Variants in CRTC3 observed in about 807,000 individuals in gnomAD.
CRTC3 encodes CREB regulated transcription coactivator 3, also known as CREB-regulated transcription coactivator 3.
CRTC3 carries 26 observed loss-of-function variants against 74.5 expected under a neutral mutation model. That is an observed-to-expected ratio of 0.35 (90% CI 0.26 to 0.48). The LOEUF is 0.48. CRTC3 is among the 20% of genes least tolerant of loss of function. The pLI is 0.99. For synonymous variants in CRTC3, 377 were observed against 325.8 expected (o/e 1.16, Z -1.69); for missense variants, 760 against 787.3 (o/e 0.97, Z 0.41).
intron 4 of CRTC3, among the ~76,000 whole-genome samples, chr15:90,603,204 G>A (rs1265180180): frequency 1.3e-5 from 2 of 151,926 alleles, no homozygotes; most frequent in South Asian, 2.1e-4. Context: ...AGCACTTTGG[G>A]AGGCCAAGGC....
intron 2 of CRTC3, among the ~76,000 whole-genome samples, chr15:90,561,084 T>C (rs1202530488): frequency 6.6e-6 from 1 of 152,220 alleles, no homozygotes; most frequent in African/African-American, 2.4e-5. Context: ...CGTTAGTCTC[T>C]CTGTGTCTCA....
chr15:90,545,754 A>G (rs1032214278), intron 2 of CRTC3, among the ~76,000 whole-genome samples: 1 of 151,108 alleles, frequency 6.6e-6, no homozygotes, highest in Non-Finnish European at 1.5e-5. Context: ...TTTTTTTTGT[A>G]TTTTTAGTAG....
chr15:90,609,522 C>T (rs920981971), intron 6 of CRTC3, among the ~76,000 whole-genome samples: 9 of 152,166 alleles, frequency 5.9e-5, no homozygotes, highest in Admixed American at 2.6e-4. Flanking sequence ...CTGCCTCTGC[C>T]GATCCTTCAT....
intron 5 of CRTC3, among the ~76,000 whole-genome samples, chr15:90,604,699 G>A (rs1395777667): frequency 1.3e-5 from 2 of 152,146 alleles, no homozygotes; most frequent in African/African-American, 4.8e-5. Flanking sequence ...GATTGCCTCA[G>A]TTTACTCATT....
At chr15:90,572,524 A>G (rs902669879) in intron 2 of CRTC3, among the ~76,000 whole-genome samples, 2 of 152,150 alleles carry the variant, frequency 1.3e-5, no homozygotes, top group Non-Finnish European at 2.9e-5. Flanking sequence ...ACTCTCACCA[A>G]CATATGAGTG....
rs1968820031 is a variant in CRTC3, at chr15:90,625,954, C to A, written c.928C>A (p.Pro310Thr). ...MSVGNSVNNIPAAMTHLGIRS... is the reference protein window; with the variant it reads ...MSVGNSVNNITAAMTHLGIRS... The stretch of plus-strand genomic sequence containing the variant: ...TGTGGGGAATAGTGTGAACAACATC[C>A]CAGCTGCTATGACCCACCTGGGTAT... Residue 310 changes from proline (P) to threonine (T), a missense_variant, in exon 10 of 15, where the codon CCA becomes ACA. Transcript: ENST00000268184. The A allele has an allele frequency of 1.2e-6, 2 of 1,614,182 alleles. No homozygotes were observed. Among genetic ancestry groups the A allele is most frequent in the Non-Finnish European group, 1.7e-6 (2 of 1,180,022 alleles).
intron 2 of CRTC3, among the ~76,000 whole-genome samples, chr15:90,542,785 C>G (rs1215223594): frequency 6.6e-6 from 1 of 152,190 alleles, no homozygotes; most frequent in Non-Finnish European, 1.5e-5. Flanking sequence ...AATTCAAGTA[C>G]TCTTAACGTT....
rs1366864873 is a variant in CRTC3 at position 90,555,742 on chromosome 15, C to G, written c.231+15605C>G. 2.6e-5 allele frequency among the ~76,000 whole-genome samples: 4 copies of G among 152,144 alleles called. No individual in the cohort carries two copies. The East Asian group carries it at 7.7e-4, about 29-fold the overall frequency. ...CATGTTGGCAGGCTGGTCCGAAACT[C>G]CTGACCTCAAGTGATCTGCCTGCCT... On this transcript the variant is annotated intron_variant, in intron 2 of 14. Transcript: ENST00000268184.
intron 5 of CRTC3, among the ~76,000 whole-genome samples, chr15:90,605,583 A>T (rs1303807594): frequency 1.5e-5 from 2 of 132,148 alleles, no homozygotes; most frequent in African/African-American, 5.8e-5. Flanking sequence ...CATTCGTTTG[A>T]TATTCTCTTG....
At chr15:90,563,650 T>C (rs1967060948) in intron 2 of CRTC3, among the ~76,000 whole-genome samples, 1 of 152,276 alleles carries the variant, frequency 6.6e-6, no homozygotes, top group South Asian at 2.1e-4. Flanking sequence ...CACAATGGAC[T>C]GTGCAGCACT....
chr15:90,534,341 A>G (rs1207696438), intron 1 of CRTC3, among the ~76,000 whole-genome samples: 15 of 152,224 alleles, frequency 9.9e-5, no homozygotes, highest in African/African-American at 3.6e-4. Flanking sequence ...CCTGTGAGGC[A>G]CATAAGTAGA....
At chr15:90,635,722 T>C in intron 11 of CRTC3, among the ~76,000 whole-genome samples, 1 of 152,040 alleles carries the variant, frequency 6.6e-6, no homozygotes, top group East Asian at 1.9e-4. Context: ...ACTCTTCCAA[T>C]GTCGCACCTC....
At chr15:90,544,500 G>A (rs1013046637) in intron 2 of CRTC3, among the ~76,000 whole-genome samples, 2 of 152,180 alleles carry the variant, frequency 1.3e-5, no homozygotes, top group Non-Finnish European at 2.9e-5. Context: ...TTTTATTGCT[G>A]AGTAGAATTC....
chr15:90,567,307 C>T (rs1967144579), intron 2 of CRTC3, among the ~76,000 whole-genome samples: 1 of 152,036 alleles, frequency 6.6e-6, no homozygotes, highest in Non-Finnish European at 1.5e-5. Flanking sequence ...CTGTTGAGAC[C>T]TACTGCTCAG....
intron 1 of CRTC3, among the ~76,000 whole-genome samples, chr15:90,537,174 G>C (rs1039791127): frequency 2.6e-5 from 4 of 152,196 alleles, no homozygotes; most frequent in Non-Finnish European, 5.9e-5. Flanking sequence ...AATTTCAAAA[G>C]AGGAAAATGT....
chr15:90,572,998 A>T (rs1967311304), intron 2 of CRTC3, among the ~76,000 whole-genome samples: 1 of 152,246 alleles, frequency 6.6e-6, no homozygotes, highest in South Asian at 2.1e-4. Flanking sequence ...TGTGTAAAAC[A>T]GATCTCCAGA....
At chr15:90,624,648 C>T (rs1478247072) in intron 9 of CRTC3, among the ~76,000 whole-genome samples, 1 of 152,244 alleles carries the variant, frequency 6.6e-6, no homozygotes, top group Non-Finnish European at 1.5e-5. Context: ...GCACTGGTTA[C>T]ACACACCCCT....
At chr15:90,603,382 G>A (rs564836583) in intron 4 of CRTC3, among the ~76,000 whole-genome samples, 26 of 151,962 alleles carry the variant, frequency 1.7e-4, no homozygotes, top group African/African-American at 5.8e-4. Flanking sequence ...GGCGGAGCTT[G>A]CAGTGAGCCG....
intron 2 of CRTC3, among the ~76,000 whole-genome samples, chr15:90,540,779 AT>A (rs1221167561): frequency 1.3e-5 from 2 of 152,208 alleles, no homozygotes; most frequent in African/African-American, 2.4e-5. Context: ...TCAAAAAAAA[AT>A]AAAAATAAAA....
Sources: gnomAD v4.1 joint callset for allele counts (sites outside exome capture counted in the v4.1 genomes callset) on GRCh38, gnomAD v4.1.1 for gene constraint, MANE v1.5 for transcripts, NCBI Gene and HGNC (gene_info 2026-07-23, HGNC 2026-07-21) for gene names.